Variants in ADARB2 observed in about 807,000 individuals in gnomAD.
ADARB2 encodes inactive double-stranded RNA-specific editase B2.
ADARB2 carries 25 observed loss-of-function variants against 62.2 expected under a neutral mutation model. The ratio of observed to expected loss-of-function variants is 0.40; its 90% confidence interval spans 0.29 to 0.56. The LOEUF (loss-of-function observed/expected upper bound fraction) is 0.56, where lower values mean the gene tolerates loss of function less well. Ranked by LOEUF, ADARB2 falls within the 20% of genes least tolerant of loss-of-function variation. The probability of loss-of-function intolerance (pLI) is 0.43; values close to 1 mark genes in which losing one functional copy is unlikely to be tolerated. For synonymous variants in ADARB2, 572 were observed against 500.8 expected, an observed-to-expected ratio of 1.14 and a Z score of -1.90; for missense variants, 1,071 against 1,077.4, an observed-to-expected ratio of 0.99 and a Z score of 0.08.
intron 1 of ADARB2, among the ~76,000 whole-genome samples, chr10:1,581,024 A>G (rs1346845493): frequency 6.6e-6 from 1 of 152,234 alleles, no homozygotes; most frequent in African/African-American, 2.4e-5. Flanking sequence ...AGCCGCTATA[A>G]GCATCTGTGT....
intron 4 of ADARB2, among the ~76,000 whole-genome samples, chr10:1,265,616 G>C (rs1232790187): frequency 5.3e-4 from 65 of 123,370 alleles, no homozygotes; most frequent in African/African-American, 2.1e-3. Context: ...TGAGAGGGGG[G>C]CCCAGGCTCT....
chr10:1,667,749 G>T (rs1490445494), intron 1 of ADARB2, among the ~76,000 whole-genome samples: 1 of 152,140 alleles, frequency 6.6e-6, no homozygotes, highest in East Asian at 1.9e-4. Context: ...CAAATTAGAG[G>T]TATTTTGGGT....
At chr10:1,728,721 G>A (rs1835196514) in intron 1 of ADARB2, among the ~76,000 whole-genome samples, 1 of 152,116 alleles carries the variant, frequency 6.6e-6, no homozygotes, top group African/African-American at 2.4e-5. Flanking sequence ...TTCCTAAATG[G>A]CTAATAAATA....
At chr10:1,433,330 C>T (rs1310800690) in intron 1 of ADARB2, among the ~76,000 whole-genome samples, 1 of 152,106 alleles carries the variant, frequency 6.6e-6, no homozygotes, top group African/African-American at 2.4e-5. Flanking sequence ...TTCTCACTGC[C>T]CCACAAGCCT....
intron 4 of ADARB2, among the ~76,000 whole-genome samples, chr10:1,266,287 C>T (rs889155709): frequency 1.3e-5 from 2 of 152,234 alleles, no homozygotes; most frequent in Non-Finnish European, 2.9e-5. Context: ...GCCTGTAGGT[C>T]CGGTGCAACA....
At chr10:1,202,199 T>C (rs1398519626) in intron 7 of ADARB2, among the ~76,000 whole-genome samples, 1 of 151,990 alleles carries the variant, frequency 6.6e-6, no homozygotes, top group African/African-American at 2.4e-5. Flanking sequence ...CACCTCAGCC[T>C]CCTTAAGTGC....
rs1220758509 is a variant in ADARB2 at position 1,183,358 on chromosome 10, C to G, written c.2055G>C (p.Arg685=). Residue 685 remains arginine, a synonymous_variant, in exon 10 of 10, where the codon CGG becomes CGC. Transcript: ENST00000381312. ...WARLYGRLST[R]TPSPGDTPSM... ...AGGGCGTGTCTCCAGGGCTGGGTGTCCGTGTGCTCAGCTGCGGACAAGAAG... is the reference window on the plus strand; with the variant it reads ...AGGGCGTGTCTCCAGGGCTGGGTGTGCGTGTGCTCAGCTGCGGACAAGAAG... The G allele has an allele frequency of 3.1e-6, 5 of 1,612,066 alleles. No homozygotes were observed. In the African/African-American group the frequency reaches 5.3e-5, roughly 17 times the overall value.
At chr10:1,230,367 G>A (rs747349712) in intron 6 of ADARB2, among the ~76,000 whole-genome samples, 2 of 152,114 alleles carry the variant, frequency 1.3e-5, no homozygotes, top group Non-Finnish European at 2.9e-5. Flanking sequence ...TCCAGCTCCC[G>A]CCGCCAGCCT....
chr10:1,680,370 C>T (rs1040409067), intron 1 of ADARB2, among the ~76,000 whole-genome samples: 2 of 152,020 alleles, frequency 1.3e-5, no homozygotes, highest in African/African-American at 2.4e-5. Flanking sequence ...CATCTGCTTC[C>T]ATCTTTGCCC....
chr10:1,561,908 C>A (rs760535989), intron 1 of ADARB2, among the ~76,000 whole-genome samples: 1 of 152,232 alleles, frequency 6.6e-6, no homozygotes, highest in Non-Finnish European at 1.5e-5. Context: ...ATTGCCACAT[C>A]GTGTCTTTGC....
rs530702236 is a variant in ADARB2 at position 1,186,239 on chromosome 10, G to A, written c.1865-1200C>T. ...GGGGACAAAGCCCACTTCTTCCCAT[G>A]CCCAGGGCTTCCTCATGGACCCAGC... On this transcript the variant is annotated intron_variant, in intron 8 of 9. Transcript: ENST00000381312. Among the ~76,000 whole-genome samples the A allele has an allele frequency of 5.3e-5, 8 of 152,338 alleles. 1 individual carries two copies. In the South Asian group the frequency reaches 1.0e-3, roughly 20 times the overall value.
At chr10:1,311,191 GA>G (rs1384602457) in intron 3 of ADARB2, among the ~76,000 whole-genome samples, 3 of 152,194 alleles carry the variant, frequency 2.0e-5, no homozygotes, top group Non-Finnish European at 4.4e-5. Context: ...CTTCCATGGG[GA>G]ATGGTGGGCA....
At position 1,343,696 on chromosome 10, in the gene ADARB2, A is replaced by G. The variant is rs144281353; in HGVS notation, c.1077+19332T>C. Among the ~76,000 whole-genome samples, 1,034 of 152,378 alleles carry G rather than the reference A, an allele frequency of 6.8e-3. 4 individuals carry two copies. The highest frequency in any genetic ancestry group is 0.012 in the Non-Finnish European group (810 of 68,040). On this transcript the variant is annotated intron_variant, in intron 3 of 9. Transcript: ENST00000381312. ...ACCATGGAATACTATGCAGCCATAA[A>G]GAAGAACCAGATCATGTCTTCTGCA...
chr10:1,480,425 G>A (rs557127571), intron 1 of ADARB2, among the ~76,000 whole-genome samples: 18 of 152,338 alleles, frequency 1.2e-4, no homozygotes, highest in East Asian at 7.7e-4. Flanking sequence ...CTGGCCGGGC[G>A]TGGTGGCTCA....
intron 3 of ADARB2, chr10:1,291,578 C>T (rs1831466187): frequency 6.6e-6 from 1 of 152,246 alleles, no homozygotes; most frequent in South Asian, 2.1e-4. Flanking sequence ...TACCCGATGT[C>T]CCTGGTGGAG....
At chr10:1,360,392 A>G (rs1832241695) in intron 3 of ADARB2, among the ~76,000 whole-genome samples, 1 of 152,174 alleles carries the variant, frequency 6.6e-6, no homozygotes, top group Non-Finnish European at 1.5e-5. Context: ...TCAGCTCCAG[A>G]GCCACCATGC....
At chr10:1,716,757 T>A (rs1835020859) in intron 1 of ADARB2, among the ~76,000 whole-genome samples, 1 of 152,238 alleles carries the variant, frequency 6.6e-6, no homozygotes, top group Non-Finnish European at 1.5e-5. Context: ...TGAAGTGGCA[T>A]GCCATGGATG....
intron 2 of ADARB2, among the ~76,000 whole-genome samples, chr10:1,375,796 G>T (rs7393135): frequency 7.9e-6 from 1 of 126,098 alleles, no homozygotes; most frequent in African/African-American, 2.7e-5. Context: ...ATGCACACAC[G>T]CACACACACA....
intron 3 of ADARB2, among the ~76,000 whole-genome samples, chr10:1,283,346 GT>G (rs1293992027): frequency 8.5e-5 from 13 of 152,214 alleles, no homozygotes; most frequent in African/African-American, 2.9e-4. Flanking sequence ...TTAGGTGCAT[GT>G]TTTCAATTAA....
Sources: gnomAD v4.1 joint callset for allele counts (sites outside exome capture counted in the v4.1 genomes callset) on GRCh38, gnomAD v4.1.1 for gene constraint, MANE v1.5 for transcripts, NCBI Gene and HGNC (gene_info 2026-07-23, HGNC 2026-07-21) for gene names.